The following SHROOM2 variants were observed in gnomAD, a reference collection of about 807,000 sequenced individuals.
The protein encoded by SHROOM2 is protein Shroom2.
SHROOM2 carries 33 observed loss-of-function variants against 75.9 expected under a neutral mutation model. That is an observed-to-expected ratio of 0.43 (90% CI 0.33 to 0.58). SHROOM2 has a LOEUF of 0.58. Ranked by LOEUF, SHROOM2 falls within the 20% of genes least tolerant of loss-of-function variation. The pLI is 0.04. For synonymous variants in SHROOM2, 655 were observed against 663.6 expected (o/e 0.99, Z 0.20); for missense variants, 1,434 against 1,461.2 (o/e 0.98, Z 0.30).
chrX:9,821,162 C>T (rs1014508263), intron 1 of SHROOM2, among the ~76,000 whole-genome samples: 2 of 111,939 alleles, frequency 1.8e-5, no homozygotes, highest in African/African-American at 6.5e-5. Context: ...ATGCTGGCTC[C>T]ACACAGCAGA....
intron 9 of SHROOM2, among the ~76,000 whole-genome samples, chrX:9,946,194 TCTC>T (rs907734869): frequency 4.4e-5 from 5 of 112,997 alleles, no homozygotes; most frequent in Non-Finnish European, 9.4e-5. Context: ...CTCGGGGGCT[TCTC>T]CTCCTCCTGC....
At chrX:9,905,909 C>T (rs1200434265) in intron 5 of SHROOM2, among the ~76,000 whole-genome samples, 4 of 111,567 alleles carry the variant, frequency 3.6e-5, no homozygotes, top group South Asian at 7.5e-4. Flanking sequence ...CCCTGTTAGT[C>T]GAAACAAAAG....
intron 9 of SHROOM2, among the ~76,000 whole-genome samples, chrX:9,946,010 G>T (rs965614108): frequency 2.7e-5 from 3 of 112,797 alleles, no homozygotes; most frequent in African/African-American, 9.7e-5. Context: ...CTGTCCTGGC[G>T]CTGGGCTTGG....
At position 9,918,681 on chromosome X, in the gene SHROOM2, A is replaced by C. The variant is rs1601999138; in HGVS notation, c.2892-13494A>C. Among the ~76,000 whole-genome samples the C allele has an allele frequency of 2.7e-5, 3 of 109,631 alleles. No homozygotes were observed. The Admixed American group carries it at 2.9e-4, about 11-fold the overall frequency. On this transcript the variant is annotated intron_variant, in intron 5 of 9. Transcript: ENST00000380913. ...ATTTTGTTTGTTTTTGTAGAGATGG[A>C]GTCTCATTATGTTGGCCAGGAGGGT...
At chrX:9,833,432 T>G (rs1185923842) in intron 1 of SHROOM2, among the ~76,000 whole-genome samples, 1 of 111,530 alleles carries the variant, frequency 9.0e-6, no homozygotes, top group Non-Finnish European at 1.9e-5. Context: ...CTGGGAGATG[T>G]TTGCTCTGCA....
intron 1 of SHROOM2, among the ~76,000 whole-genome samples, chrX:9,871,217 G>A (rs1260279899): frequency 8.9e-6 from 1 of 112,083 alleles, no homozygotes; most frequent in African/African-American, 3.2e-5. Flanking sequence ...ATAGAAATAA[G>A]CAAAGTCAGC....
rs750562443 is a variant in SHROOM2, at chrX:9,895,194, C to G, written c.1286C>G (p.Pro429Arg). The G allele has an allele frequency of 8.3e-7, 1 of 1,211,032 alleles. No individual in the cohort carries two copies. The highest frequency in any genetic ancestry group is 1.1e-6 in the Non-Finnish European group (1 of 895,091). ...FPQSPHSGRH[P>R]PLYSDHSPLC... Reference sequence around the variant, plus strand: ...CAGTCTCCTCATAGCGGCCGACACCCTCCCCTATACAGCGACCACAGCCCC... The same window carrying G: ...CAGTCTCCTCATAGCGGCCGACACCGTCCCCTATACAGCGACCACAGCCCC... The change falls in exon 4 of 10, where the codon CCT (proline) becomes CGT (arginine). Residue 429 changes from proline (P) to arginine (R), a missense_variant. Coordinates refer to ENST00000380913, the MANE Select transcript of SHROOM2 (RefSeq NM_001649.4).
Position 9,896,330 on chromosome X carries a change from G to C in SHROOM2, c.2422G>C (p.Val808Leu). The C allele has an allele frequency of 8.2e-7, 1 of 1,212,195 alleles. No individual in the cohort carries two copies. The part of the protein sequence containing the change: ...WKFFEETSKP[V>L]PQRPAQKQAL... ...GTTTTTTGAGGAAACGAGCAAACCT[G>C]TTCCCCAGAGGCCTGCCCAGAAGCA... Residue 808 changes from valine to leucine, a missense_variant, in exon 4 of 10, where the codon GTT (valine) becomes CTT (leucine). Val to Leu is a conservative substitution (Grantham distance 32, BLOSUM62 1). Coordinates refer to ENST00000380913, the MANE Select transcript of SHROOM2 (RefSeq NM_001649.4).
chrX:9,804,904 G>A (rs1174443142), intron 1 of SHROOM2, among the ~76,000 whole-genome samples: 1 of 110,871 alleles, frequency 9.0e-6, no homozygotes, highest in African/African-American at 3.3e-5. Context: ...GTTGTCCCGT[G>A]TCACCAAGTC....
intron 1 of SHROOM2, among the ~76,000 whole-genome samples, chrX:9,800,837 T>C (rs2083720251): frequency 1.8e-5 from 2 of 109,798 alleles, no homozygotes; most frequent in Admixed American, 9.8e-5. Context: ...ATTATTTTTA[T>C]TTTTTGTAGA....
chrX:9,867,182 G>A (rs2084144677), intron 1 of SHROOM2, among the ~76,000 whole-genome samples: 1 of 111,502 alleles, frequency 9.0e-6, no homozygotes, highest in Admixed American at 9.6e-5. Flanking sequence ...ACATTTCCAT[G>A]AGAACAATGA....
chrX:9,789,383 C>CTGCTGA (rs2083634859), intron 1 of SHROOM2, among the ~76,000 whole-genome samples: 1 of 109,063 alleles, frequency 9.2e-6, no homozygotes, highest in South Asian at 4.0e-4. Context: ...CTCCTCAGTA[C>CTGCTGA]GTTTCTGCTG....
chrX:9,838,340 A>G (rs1034803835), intron 1 of SHROOM2, among the ~76,000 whole-genome samples: 4 of 110,722 alleles, frequency 3.6e-5, no homozygotes, highest in Admixed American at 9.7e-5. Flanking sequence ...GATTACAGGC[A>G]TGAGCCACCG....
chrX:9,830,217 G>A (rs1243698506), intron 1 of SHROOM2, among the ~76,000 whole-genome samples: 2 of 111,374 alleles, frequency 1.8e-5, no homozygotes, highest in African/African-American at 3.3e-5. Context: ...ATGGGCCACC[G>A]CACCTGGCAG....
chrX:9,873,605 G>T (rs753351952), intron 1 of SHROOM2, 47 bp from the exon 2 acceptor site: 13 of 1,198,795 alleles, frequency 1.1e-5, no homozygotes, highest in Middle Eastern at 2.4e-4. Flanking sequence ...TCTGCCTCAG[G>T]AATTGCTGCT....
At chrX:9,856,113 C>T (rs1341486562) in intron 1 of SHROOM2, among the ~76,000 whole-genome samples, 1 of 101,810 alleles carries the variant, frequency 9.8e-6, no homozygotes, top group East Asian at 3.1e-4. Context: ...TGGAAAAAGT[C>T]AACAAAGGGC....
At chrX:9,831,310 T>C (rs762993130) in intron 1 of SHROOM2, among the ~76,000 whole-genome samples, 9 of 112,077 alleles carry the variant, frequency 8.0e-5, no homozygotes, top group Non-Finnish European at 1.5e-4. Context: ...TTGCCAAGTG[T>C]CTAGGGGATG....
intron 2 of SHROOM2, among the ~76,000 whole-genome samples, chrX:9,884,370 T>TC (rs1170035256): frequency 8.1e-5 from 8 of 99,308 alleles, no homozygotes; most frequent in Admixed American, 2.2e-4. Context: ...TTTCTTTTCT[T>TC]TTTTTTTTTT....
chrX:9,820,668 CT>C (rs1157990869), intron 1 of SHROOM2, among the ~76,000 whole-genome samples: 6 of 112,368 alleles, frequency 5.3e-5, no homozygotes, highest in African/African-American at 1.6e-4. Context: ...CCTGGCCTTC[CT>C]TTTTCTTTTG....
Sources: allele counts gnomAD v4.1 joint callset (sites outside exome capture counted in the v4.1 genomes callset), GRCh38; gene constraint gnomAD v4.1.1; transcripts MANE v1.5; gene names NCBI Gene and HGNC (gene_info 2026-07-23, HGNC 2026-07-21).